PHF21A: variants seen among roughly 807,000 people sequenced by gnomAD.
PHF21A encodes the protein BHC80a.
In PHF21A, 11 loss-of-function variants were observed where a neutral mutation model predicts 82.5. The ratio of observed to expected loss-of-function variants is 0.13; its 90% CI spans 0.08 to 0.22. PHF21A has a LOEUF of 0.22. Among genes scored for constraint, PHF21A ranks in the 10% least tolerant of loss-of-function variants. The probability of loss-of-function intolerance (pLI) is 1.00; values close to 1 mark genes in which losing one functional copy is unlikely to be tolerated. For missense variants in PHF21A, 579 were observed against 837.8 expected, an observed-to-expected ratio of 0.69 and a Z score of 3.81; for synonymous variants, 297 against 302.8, an observed-to-expected ratio of 0.98 and a Z score of 0.20.
chr11:46,033,363 C>T lies in PHF21A; in HGVS notation c.153+43391G>A, dbSNP rs146495233. On this transcript the variant is annotated intron_variant, in intron 6 of 18. Transcript: ENST00000676320. The stretch of plus-strand genomic sequence containing the variant: ...CACTGCAGCCTCTGCCTCCTAGGCT[C>T]GAGGGATCCTTCCACCTCAGCCTCC... Among the ~76,000 whole-genome samples, 809 of 152,150 alleles carry T rather than the reference C, an allele frequency of 5.3e-3. 4 individuals are homozygous for T. The highest frequency in any genetic ancestry group is 9.0e-3 in the Non-Finnish European group (609 of 68,014).
chr11:46,033,889 A>C (rs2095923492), intron 6 of PHF21A, among the ~76,000 whole-genome samples: 1 of 152,202 alleles, frequency 6.6e-6, no homozygotes, highest in South Asian at 2.1e-4. Flanking sequence ...ATCTAGGAGG[A>C]GAACTGGTGG....
intron 6 of PHF21A, among the ~76,000 whole-genome samples, chr11:46,041,943 T>C (rs1471442975): frequency 6.6e-6 from 1 of 152,138 alleles, no homozygotes; most frequent in Non-Finnish European, 1.5e-5. Flanking sequence ...AATTTTACAC[T>C]ATGAGATCCT....
At chr11:46,042,267 G>A (rs2096162062) in intron 6 of PHF21A, among the ~76,000 whole-genome samples, 1 of 152,082 alleles carries the variant, frequency 6.6e-6, no homozygotes, top group African/African-American at 2.4e-5. Context: ...ATATTTTTAC[G>A]AATACTTGAA....
rs10742773 is a variant in PHF21A, at chr11:45,938,118, C to T, written c.1608+39G>A. The T allele has an allele frequency of 0.9, 1,340,772 of 1,486,246 alleles. 606,613 individuals carry two copies. Among genetic ancestry groups the T allele is most frequent in the East Asian group, 1 (41,288 of 41,306 alleles). The allele number at this position is 1,486,246 out of a possible 1,614,324, so 92.1% of individuals were successfully genotyped here. A position where few individuals can be genotyped will look rare whatever the true frequency, so the allele number is the denominator to read the frequency against. On this transcript the variant is annotated intron_variant, in intron 16 of 18. Coordinates refer to ENST00000676320, the MANE Select transcript of PHF21A (RefSeq NM_001352027.3). ...TTCCTCCTGATGGCCGTGTCTTTGTCCTCCTCGGCCCCTCCCCTGTTGGAC... is the reference window on the plus strand; with the variant it reads ...TTCCTCCTGATGGCCGTGTCTTTGTTCTCCTCGGCCCCTCCCCTGTTGGAC...
intron 4 of PHF21A, among the ~76,000 whole-genome samples, chr11:46,079,547 C>T (rs551136089): frequency 5.4e-4 from 83 of 152,296 alleles, no homozygotes; most frequent in African/African-American, 1.9e-3. Context: ...ACAAAACCGG[C>T]CTGTTCATAC....
intron 6 of PHF21A, among the ~76,000 whole-genome samples, chr11:46,046,253 T>C (rs1399045165): frequency 6.6e-6 from 1 of 152,170 alleles, no homozygotes; most frequent in Non-Finnish European, 1.5e-5. Context: ...TTTAATTAAC[T>C]GTACACAGGA....
intron 1 of PHF21A, among the ~76,000 whole-genome samples, chr11:46,111,204 C>A (rs550189344): frequency 6.6e-6 from 1 of 151,632 alleles, no homozygotes; most frequent in Admixed American, 6.6e-5. Flanking sequence ...CGTGGTGGCT[C>A]ACGCCTGTAA....
At chr11:46,001,128 A>G (rs2095112285) in intron 6 of PHF21A, among the ~76,000 whole-genome samples, 1 of 152,034 alleles carries the variant, frequency 6.6e-6, no homozygotes, top group African/African-American at 2.4e-5. Flanking sequence ...AACTGAAATA[A>G]TTCACTGGAA....
intron 7 of PHF21A, among the ~76,000 whole-genome samples, chr11:45,971,890 C>CTTTTTT (rs377734291): frequency 2.0e-5 from 1 of 50,294 alleles, no homozygotes; most frequent in African/African-American, 6.3e-5. Flanking sequence ...CTTTTTCTTT[C>CTTTTTT]TTTTTTTTTT....
At chr11:46,095,121 C>T (rs964675822) in intron 1 of PHF21A, among the ~76,000 whole-genome samples, 3 of 151,982 alleles carry the variant, frequency 2.0e-5, no homozygotes, top group Non-Finnish European at 2.9e-5. Context: ...AAACACTGTG[C>T]ACATCAGAAA....
chr11:46,013,223 T>C (rs1166308049), intron 6 of PHF21A, among the ~76,000 whole-genome samples: 1 of 152,146 alleles, frequency 6.6e-6, no homozygotes, highest in African/African-American at 2.4e-5. Flanking sequence ...ATGAGTGGCA[T>C]AGGCACTGTG....
intron 7 of PHF21A, among the ~76,000 whole-genome samples, chr11:45,975,570 T>C (rs2093986600): frequency 6.6e-6 from 1 of 152,202 alleles, no homozygotes; most frequent in Non-Finnish European, 1.5e-5. Context: ...AAAGGTTTGT[T>C]TTCCATTTGG....
intron 1 of PHF21A, among the ~76,000 whole-genome samples, chr11:46,092,809 G>C (rs2096941742): frequency 7.3e-6 from 1 of 137,034 alleles, no homozygotes; most frequent in South Asian, 2.3e-4. Flanking sequence ...CCAGGCTCAA[G>C]TGCAGTGGCA....
chr11:45,940,128 C>G (rs1174253661), intron 15 of PHF21A, among the ~76,000 whole-genome samples: 2 of 152,132 alleles, frequency 1.3e-5, no homozygotes, highest in Admixed American at 6.5e-5. Flanking sequence ...ACTAGGGTAT[C>G]TGGCAGCCCA....
At chr11:46,093,308 AAT>A (rs2096950187) in intron 1 of PHF21A, among the ~76,000 whole-genome samples, 1 of 152,188 alleles carries the variant, frequency 6.6e-6, no homozygotes, top group Non-Finnish European at 1.5e-5. Context: ...ATATTACTCC[AAT>A]AGTGTCTCAT....
At chr11:45,956,817 T>C (rs575429389) in intron 10 of PHF21A, among the ~76,000 whole-genome samples, 13 of 152,284 alleles carry the variant, frequency 8.5e-5, no homozygotes, top group African/African-American at 3.1e-4. Context: ...AGTCCCTCCT[T>C]ACCAGTAATC....
intron 6 of PHF21A, among the ~76,000 whole-genome samples, chr11:46,017,556 A>ATTAT (rs2095540842): frequency 6.6e-6 from 1 of 151,532 alleles, no homozygotes; most frequent in South Asian, 2.1e-4. Context: ...TTTATAAGTT[A>ATTAT]CAGTTCAGGA....
intron 14 of PHF21A, among the ~76,000 whole-genome samples, chr11:45,948,585 G>C (rs1404844493): frequency 6.6e-6 from 1 of 152,190 alleles, no homozygotes; most frequent in Non-Finnish European, 1.5e-5. Context: ...TTTACATGGG[G>C]TTCTGTTCAC....
chr11:46,081,495 TA>T (rs1387161752), intron 4 of PHF21A, among the ~76,000 whole-genome samples: 7 of 152,246 alleles, frequency 4.6e-5, no homozygotes, highest in African/African-American at 1.7e-4. Context: ...CACTGGAATT[TA>T]AAAATTCACT....
Sources: allele counts gnomAD v4.1 joint callset (sites outside exome capture counted in the v4.1 genomes callset), GRCh38; gene constraint gnomAD v4.1.1; transcripts MANE v1.5; gene names NCBI Gene and HGNC (gene_info 2026-07-23, HGNC 2026-07-21).